The following DYNLL2 variants were observed in gnomAD, a reference collection of about 807,000 sequenced individuals.
The protein encoded by DYNLL2 is dynein light chain LC8-type 2.
DYNLL2 carries 1 observed loss-of-function variant against 9.7 expected under a neutral mutation model. The ratio of observed to expected loss-of-function variants is 0.10; its 90% CI spans 0.04 to 0.49. The LOEUF (loss-of-function observed/expected upper bound fraction) is 0.49, where lower values mean the gene tolerates loss of function less well. Among genes scored for constraint, DYNLL2 ranks in the 20% least tolerant of loss-of-function variants. The pLI is 0.95. For synonymous variants in DYNLL2, 35 were observed against 40.5 expected (o/e 0.86, Z 0.52); for missense variants, 37 against 115.2 (o/e 0.32, Z 3.11).
rs1198146579 is a variant in DYNLL2 at position 58,094,302 on chromosome 17, ACAT to A, written c.*5027_*5029del. ...CTTTTCTAAGGGGAAAGATCAAATG[ACAT>A]CATGTATGTGAAAATGCTTAGAAAT... On this transcript the variant is annotated 3_prime_UTR_variant, in exon 3 of 3. Transcript: ENST00000579991. The A allele has an allele frequency of 1.3e-5, 2 of 151,486 alleles. No individual in the cohort carries two copies. Among genetic ancestry groups the A allele is most frequent in the Admixed American group, 1.3e-4 (2 of 15,116 alleles). 9.4% of individuals were successfully genotyped at this position (151,486 alleles called of 1,614,324 possible). A position where few individuals can be genotyped will look rare whatever the true frequency, so the allele number is the denominator to read the frequency against.
chr17:58,085,072 C>G (rs927202051), intron 1 of DYNLL2, among the ~76,000 whole-genome samples: 1 of 152,184 alleles, frequency 6.6e-6, no homozygotes. Context: ...CAGGGTTCTC[C>G]GAATCTTTCC....
Position 58,090,635 on chromosome 17 carries a change from G to A in DYNLL2, c.*1356G>A, listed in dbSNP as rs147413678. The A allele has an allele frequency of 3.4e-3, 516 of 152,740 alleles. 3 individuals carry two copies. The highest frequency in any genetic ancestry group is 0.011 in the South Asian group (52 of 4,808). The allele number at this position is 152,740 out of a possible 1,614,324, so 9.5% of individuals were successfully genotyped here. A position where few individuals can be genotyped will look rare whatever the true frequency, so the allele number is the denominator to read the frequency against. On this transcript the variant is annotated 3_prime_UTR_variant, in exon 3 of 3. Coordinates refer to ENST00000579991, the MANE Select transcript of DYNLL2 (RefSeq NM_080677.3). ...GGAGCTTCTGGGAGCCTTGGAGGAGGTCAGTCTTGCAGTGGTGAAGCCAGG... is the reference window on the plus strand; with the variant it reads ...GGAGCTTCTGGGAGCCTTGGAGGAGATCAGTCTTGCAGTGGTGAAGCCAGG...
intron 1 of DYNLL2, among the ~76,000 whole-genome samples, chr17:58,085,529 G>A (rs1567765804): frequency 1.3e-5 from 2 of 152,184 alleles, no homozygotes; most frequent in Admixed American, 1.3e-4. Flanking sequence ...GGATGATGGG[G>A]GAGATAGTTA....
At chr17:58,085,629 A>G (rs1345485602) in intron 1 of DYNLL2, among the ~76,000 whole-genome samples, 1 of 152,170 alleles carries the variant, frequency 6.6e-6, no homozygotes, top group Non-Finnish European at 1.5e-5. Flanking sequence ...CCTGTCAGGC[A>G]CGTCCTGAGA....
Position 58,083,622 on chromosome 17 carries a change from C to G in DYNLL2, c.-71C>G, listed in dbSNP as rs1241327395. On this transcript the variant is annotated 5_prime_UTR_variant, in exon 1 of 3. Coordinates refer to ENST00000579991, the MANE Select transcript of DYNLL2 (RefSeq NM_080677.3). ...GGAGCCCAGGGAACACCGCCCCTGC[C>G]TGTGCTCTGCCTCGGGCCATCGCTC... The G allele has an allele frequency of 1.3e-5, 2 of 153,514 alleles. No individual in the cohort carries two copies. Among genetic ancestry groups the G allele is most frequent in the African/African-American group, 4.8e-5 (2 of 41,416 alleles). 9.5% of individuals were successfully genotyped at this position (153,514 alleles called of 1,614,324 possible). A position where few individuals can be genotyped will look rare whatever the true frequency, so the allele number is the denominator to read the frequency against.
In DYNLL2 at chr17:58,091,505, A is replaced by C. The variant is rs776499717; in HGVS notation, c.*2226A>C. 1 of 152,128 alleles carries C rather than the reference A, an allele frequency of 6.6e-6. No homozygotes were observed. Among genetic ancestry groups the C allele is most frequent in the Admixed American group, 6.5e-5 (1 of 15,278 alleles). The allele number at this position is 152,128 out of a possible 1,614,324, so 9.4% of individuals were successfully genotyped here. The stretch of plus-strand genomic sequence containing the variant: ...GTGAATCATATTTTGTGTCTTTGGG[A>C]TAGTAACTGCTACCTTCCCAGCTGC... On this transcript the variant is annotated 3_prime_UTR_variant, in exon 3 of 3. Coordinates refer to ENST00000579991, the MANE Select transcript of DYNLL2 (RefSeq NM_080677.3).
In DYNLL2 at chr17:58,093,120, TG is replaced by T. The variant is rs770761537; in HGVS notation, c.*3842del. On this transcript the variant is annotated 3_prime_UTR_variant, in exon 3 of 3. Transcript: ENST00000579991. ...AGAACAGTGCCTGTCCTGTAGGAAG[TG>T]TTTGATACATACAGATTGCTCAAAT... The T allele has an allele frequency of 6.6e-6, 1 of 152,222 alleles. No homozygotes were observed. Among genetic ancestry groups the T allele is most frequent in the Non-Finnish European group, 1.5e-5 (1 of 68,036 alleles). 9.4% of individuals were successfully genotyped at this position (152,222 alleles called of 1,614,324 possible).
rs1273367111 is a variant in DYNLL2 at position 58,083,475 on chromosome 17, GCGGCGTGAGGCGGAGCGCGGGCGGC to G, written c.-212_-188del. 2.0e-5 allele frequency: 3 copies of G among 146,952 alleles called. No homozygotes were observed. Among genetic ancestry groups the G allele is most frequent in the Non-Finnish European group, 4.5e-5 (3 of 66,238 alleles). The allele number at this position is 146,952 out of a possible 1,614,324, so 9.1% of individuals were successfully genotyped here. Reference sequence around the variant, plus strand: ...CAGTGCGGAGCGGGCGGGCGGGCGGGCGGCGTGAGGCGGAGCGCGGGCGGCCGGCGAAACTCCAAGGGCGGACCGC... The same window carrying G: ...CAGTGCGGAGCGGGCGGGCGGGCGGGCGGCGAAACTCCAAGGGCGGACCGC... On this transcript the variant is annotated 5_prime_UTR_variant, in exon 1 of 3. Coordinates refer to ENST00000579991, the MANE Select transcript of DYNLL2 (RefSeq NM_080677.3).
chr17:58,089,579 C>G lies in DYNLL2; in HGVS notation c.*300C>G. The G allele has an allele frequency of 2.2e-6, 1 of 446,096 alleles. No homozygotes were observed. The highest frequency in any genetic ancestry group is 3.9e-6 in the Non-Finnish European group (1 of 258,502). The allele number at this position is 446,096 out of a possible 1,614,324, so 27.6% of individuals were successfully genotyped here. A position where few individuals can be genotyped will look rare whatever the true frequency, so the allele number is the denominator to read the frequency against. ...TCCCTTTTCTCTTTCTTTCCCTATACAAAATAAAAGGCCCACCATAGAGAC... is the reference window on the plus strand; with the variant it reads ...TCCCTTTTCTCTTTCTTTCCCTATAGAAAATAAAAGGCCCACCATAGAGAC... On this transcript the variant is annotated 3_prime_UTR_variant, in exon 3 of 3. Transcript: ENST00000579991.
intron 1 of DYNLL2, among the ~76,000 whole-genome samples, chr17:58,084,485 G>A (rs2075750894): frequency 6.6e-6 from 1 of 152,214 alleles, no homozygotes; most frequent in African/African-American, 2.4e-5. Context: ...GGGGCCCTCT[G>A]GCCATCTTCC....
At position 58,092,083 on chromosome 17, in the gene DYNLL2, GT is replaced by G. The variant is rs2075782142; in HGVS notation, c.*2805del. On this transcript the variant is annotated 3_prime_UTR_variant, in exon 3 of 3. Transcript: ENST00000579991. The stretch of plus-strand genomic sequence containing the variant: ...ATGAGCTATTGAGTGTTGGAGGTAG[GT>G]AGATAGGGTTCCTCCAGTTAGGAAG... 2 of 152,228 alleles carry G rather than the reference GT, an allele frequency of 1.3e-5. No individual in the cohort carries two copies. The highest frequency in any genetic ancestry group is 2.9e-5 in the Non-Finnish European group (2 of 68,066). 9.4% of individuals were successfully genotyped at this position (152,228 alleles called of 1,614,324 possible).
chr17:58,085,625 A>G (rs1224603651), intron 1 of DYNLL2, among the ~76,000 whole-genome samples: 1 of 152,196 alleles, frequency 6.6e-6, no homozygotes, highest in Admixed American at 6.5e-5. Flanking sequence ...GCCACCTGTC[A>G]GGCACGTCCT....
At chr17:58,089,084 AT>A in intron 2 of DYNLL2, 57 bp from the exon 3 acceptor site, 1 of 1,603,956 alleles carries the variant, frequency 6.2e-7, no homozygotes, top group South Asian at 1.1e-5. Context: ...TCCCATTCTG[AT>A]TTCTCCTTCT....
At position 58,090,556 on chromosome 17, in the gene DYNLL2, G is replaced by A. The variant is rs1002344366; in HGVS notation, c.*1277G>A. On this transcript the variant is annotated 3_prime_UTR_variant, in exon 3 of 3. Coordinates refer to ENST00000579991, the MANE Select transcript of DYNLL2 (RefSeq NM_080677.3). ...CTCAGTGCAGAGGGACAGTGACTGTGGATGGTTGCAGTCTCTGGTGGGAGG... is the reference window on the plus strand; with the variant it reads ...CTCAGTGCAGAGGGACAGTGACTGTAGATGGTTGCAGTCTCTGGTGGGAGG... 2 of 152,370 alleles carry A rather than the reference G, an allele frequency of 1.3e-5. No homozygotes were observed. The highest frequency in any genetic ancestry group is 1.3e-4 in the Admixed American group (2 of 15,250). The allele number at this position is 152,370 out of a possible 1,614,324, so 9.4% of individuals were successfully genotyped here. A position where few individuals can be genotyped will look rare whatever the true frequency, so the allele number is the denominator to read the frequency against.
In DYNLL2 at chr17:58,090,952, T is replaced by C. The variant is rs574359111; in HGVS notation, c.*1673T>C. Reference sequence around the variant, plus strand: ...AGTGTGTGCCGAGCTTGCTTTGTGATGTTGGCAGGGGAGGGGAGACCTGGG... The same window carrying C: ...AGTGTGTGCCGAGCTTGCTTTGTGACGTTGGCAGGGGAGGGGAGACCTGGG... On this transcript the variant is annotated 3_prime_UTR_variant, in exon 3 of 3. Transcript: ENST00000579991. The C allele has an allele frequency of 6.6e-6, 1 of 152,312 alleles. No individual in the cohort carries two copies. The highest frequency in any genetic ancestry group is 1.9e-4 in the East Asian group (1 of 5,186). The allele number at this position is 152,312 out of a possible 1,614,324, so 9.4% of individuals were successfully genotyped here. A position where few individuals can be genotyped will look rare whatever the true frequency, so the allele number is the denominator to read the frequency against.
rs1598090642 is a variant in DYNLL2, at chr17:58,094,413, A to G, written c.*5134A>G. Reference sequence around the variant, plus strand: ...GAACAAAATCCCCCCCTCACACCCTATTGCACCACCAGCCTTCTCCCTCCC... The same window carrying G: ...GAACAAAATCCCCCCCTCACACCCTGTTGCACCACCAGCCTTCTCCCTCCC... On this transcript the variant is annotated 3_prime_UTR_variant, in exon 3 of 3. Coordinates refer to ENST00000579991, the MANE Select transcript of DYNLL2 (RefSeq NM_080677.3). 2 of 152,138 alleles carry G rather than the reference A, an allele frequency of 1.3e-5. No homozygotes were observed. Among genetic ancestry groups the G allele is most frequent in the African/African-American group, 4.8e-5 (2 of 41,388 alleles). 9.4% of individuals were successfully genotyped at this position (152,138 alleles called of 1,614,324 possible).
At chr17:58,088,066 AG>A (rs2075766625) in intron 2 of DYNLL2, among the ~76,000 whole-genome samples, 1 of 150,224 alleles carries the variant, frequency 6.7e-6, no homozygotes, top group Non-Finnish European at 1.5e-5. Context: ...TGGAATGAAA[AG>A]AAGAACTCCT....
At chr17:58,087,515 C>T (rs546686144) in intron 2 of DYNLL2, among the ~76,000 whole-genome samples, 103 of 152,190 alleles carry the variant, frequency 6.8e-4, no homozygotes, top group African/African-American at 2.5e-3. Context: ...TGCAGAGAAA[C>T]TTCAGAATTA....
chr17:58,089,301 G>GT lies in DYNLL2; in HGVS notation c.*23dup. The GT allele has an allele frequency of 6.2e-7, 1 of 1,608,232 alleles. No individual in the cohort carries two copies. The highest frequency in any genetic ancestry group is 8.5e-7 in the Non-Finnish European group (1 of 1,176,478). ...CTAGGTGGCCATGGTGAAGGTGTCAGTGGCGGCGGCAGCGATGGCAAGCAG... is the reference window on the plus strand; with the variant it reads ...CTAGGTGGCCATGGTGAAGGTGTCAGTTGGCGGCGGCAGCGATGGCAAGCAG... On this transcript the variant is annotated 3_prime_UTR_variant, in exon 3 of 3. Coordinates refer to ENST00000579991, the MANE Select transcript of DYNLL2 (RefSeq NM_080677.3).
Sources: allele counts gnomAD v4.1 joint callset (sites outside exome capture counted in the v4.1 genomes callset), GRCh38; gene constraint gnomAD v4.1.1; transcripts MANE v1.5; gene names NCBI Gene and HGNC (gene_info 2026-07-23, HGNC 2026-07-21).